PDE1A: variants seen among roughly 807,000 people sequenced by gnomAD.
The protein encoded by PDE1A is phosphodiesterase 1A, also known as dual specificity calcium/calmodulin-dependent 3',5'-cyclic nucleotide phosphodiesterase 1A.
In PDE1A, 35 loss-of-function variants were observed where a neutral mutation model predicts 61.7. That is an observed-to-expected ratio of 0.57 (90% confidence interval 0.43 to 0.75). PDE1A has a LOEUF of 0.75. Among genes scored for constraint, PDE1A ranks in the 30% least tolerant of loss-of-function variants. The pLI is 0.00. For missense variants in PDE1A, 597 were observed against 630.6 expected, an observed-to-expected ratio of 0.95 and a Z score of 0.57; for synonymous variants, 232 against 213.2, an observed-to-expected ratio of 1.09 and a Z score of -0.77.
chr2:182,154,604 C>T (rs554639162), intron 13 of PDE1A, among the ~76,000 whole-genome samples: 1 of 152,078 alleles, frequency 6.6e-6, no homozygotes, highest in African/African-American at 2.4e-5. Flanking sequence ...AATGGGAGGT[C>T]TCCTGCTTCT....
At chr2:182,397,448 T>C (rs1338248191) in intron 1 of PDE1A, among the ~76,000 whole-genome samples, 1 of 152,154 alleles carries the variant, frequency 6.6e-6, no homozygotes, top group East Asian at 1.9e-4. Flanking sequence ...AAAAAATGTG[T>C]AAATCAGAAT....
At chr2:182,162,873 G>C (rs1691457391) in intron 13 of PDE1A, among the ~76,000 whole-genome samples, 1 of 152,160 alleles carries the variant, frequency 6.6e-6, no homozygotes, top group Non-Finnish European at 1.5e-5. Context: ...GAAATAGACA[G>C]ACTTAGCAGC....
the PDE1A span, among the ~76,000 whole-genome samples, chr2:182,551,928 A>G: frequency 2.0e-5 from 3 of 152,166 alleles, no homozygotes; most frequent in South Asian, 2.1e-4. Context: ...TGCCAAACAC[A>G]GTGTCTATTT....
intron 2 of PDE1A, among the ~76,000 whole-genome samples, chr2:182,485,452 A>G (rs1270584125): frequency 6.6e-6 from 1 of 152,064 alleles, no homozygotes; most frequent in Non-Finnish European, 1.5e-5. Context: ...TAATCTGTAC[A>G]ACAAACCCCC....
chr2:182,577,470 T>C, the PDE1A span, among the ~76,000 whole-genome samples: 2 of 152,218 alleles, frequency 1.3e-5, no homozygotes, highest in African/African-American at 4.8e-5. Context: ...GATATTGTAT[T>C]CTTTGACATG....
At chr2:182,642,534 G>A in the PDE1A span, among the ~76,000 whole-genome samples, 1 of 152,114 alleles carries the variant, frequency 6.6e-6, no homozygotes, top group Non-Finnish European at 1.5e-5. Flanking sequence ...GGGATGCAGC[G>A]CTCTGATTGG....
chr2:182,175,713 CT>C (rs1474582693), intron 13 of PDE1A, among the ~76,000 whole-genome samples: 1 of 57,860 alleles, frequency 1.7e-5, no homozygotes, highest in Non-Finnish European at 3.3e-5. Context: ...TCAATTTTGT[CT>C]TTTGTTGCCA....
At chr2:182,685,433 A>G in the PDE1A span, among the ~76,000 whole-genome samples, 4 of 151,920 alleles carry the variant, frequency 2.6e-5, no homozygotes, top group African/African-American at 9.7e-5. Context: ...CTATTCTTTA[A>G]TTATTTCAAT....
intron 13 of PDE1A, among the ~76,000 whole-genome samples, chr2:182,169,345 ATATT>A (rs1691914610): frequency 6.6e-6 from 1 of 152,122 alleles, no homozygotes; most frequent in Admixed American, 6.6e-5. Flanking sequence ...AGAATTAGCT[ATATT>A]TATTTATTTG....
At chr2:182,543,081 T>G in the PDE1A span, among the ~76,000 whole-genome samples, 32 of 152,220 alleles carry the variant, frequency 2.1e-4, no homozygotes, top group Admixed American at 7.8e-4. Flanking sequence ...AAGTTACAAA[T>G]CCAGGAAGCA....
chr2:182,449,873 CA>C (rs766292367), intron 2 of PDE1A, among the ~76,000 whole-genome samples: 2 of 151,952 alleles, frequency 1.3e-5, no homozygotes, highest in African/African-American at 2.4e-5. Flanking sequence ...TGAAGAGAAT[CA>C]GAGTGAATTT....
At chr2:182,246,412 T>C (rs1406080824) in intron 2 of PDE1A, among the ~76,000 whole-genome samples, 5 of 144,498 alleles carry the variant, frequency 3.5e-5, no homozygotes, top group Non-Finnish European at 7.6e-5. Context: ...TTTCTTTTTT[T>C]TTTTTTTTTT....
At chr2:182,567,369 G>A in the PDE1A span, among the ~76,000 whole-genome samples, 1 of 152,190 alleles carries the variant, frequency 6.6e-6, no homozygotes, top group Non-Finnish European at 1.5e-5. Context: ...TATAGCAGAA[G>A]TACTATTCAT....
chr2:182,217,818 G>T (rs1475977818), intron 7 of PDE1A, among the ~76,000 whole-genome samples: 1 of 151,440 alleles, frequency 6.6e-6, no homozygotes, highest in Non-Finnish European at 1.5e-5. Flanking sequence ...TACACTGTTG[G>T]TGGGACTGTA....
At chr2:182,617,868 G>T in the PDE1A span, among the ~76,000 whole-genome samples, 1 of 152,086 alleles carries the variant, frequency 6.6e-6, no homozygotes, top group South Asian at 2.1e-4. Context: ...TTACATGTTA[G>T]CCCTTTATGT....
At chr2:182,147,029 A>G, downstream of PDE1A, 1 of 1,187,486 alleles carries the variant, frequency 8.4e-7, no homozygotes, top group Non-Finnish European at 1.2e-6. Context: ...CTATAAAATA[A>G]AATTACCTCT....
chr2:182,670,431 T>G, the PDE1A span, among the ~76,000 whole-genome samples: 1 of 152,218 alleles, frequency 6.6e-6, no homozygotes, highest in African/African-American at 2.4e-5. Flanking sequence ...CAATAGCTTT[T>G]AAAAGCTCTC....
intron 2 of PDE1A, among the ~76,000 whole-genome samples, chr2:182,460,881 T>G (rs1051946127): frequency 7.9e-5 from 12 of 152,174 alleles, no homozygotes; most frequent in Non-Finnish European, 5.9e-5. Context: ...CAATGACTTT[T>G]GTACCAACCT....
At chr2:182,206,009 C>A in exon 8 of PDE1A, 3 of 1,612,518 alleles carry the variant, frequency 1.9e-6, no homozygotes, top group Non-Finnish European at 2.5e-6. Flanking sequence ...ATAAGCTGCA[C>A]TCACGTGGTG....
Sources: gnomAD v4.1 joint callset for allele counts (sites outside exome capture counted in the v4.1 genomes callset) on GRCh38, gnomAD v4.1.1 for gene constraint, MANE v1.5 for transcripts, NCBI Gene and HGNC (gene_info 2026-07-23, HGNC 2026-07-21) for gene names.